RAP1A: variants seen among roughly 807,000 people sequenced by gnomAD.
RAP1A encodes the protein ras-related protein Rap-1A.
In RAP1A, 6 loss-of-function variants were observed where a neutral mutation model predicts 26.4. That is an observed-to-expected ratio of 0.23 (90% CI 0.12 to 0.45). The LOEUF is 0.45. Ranked by LOEUF, RAP1A falls within the 20% of genes least tolerant of loss-of-function variation. RAP1A has a pLI of 0.99. For missense variants in RAP1A, 121 were observed against 217.2 expected, an observed-to-expected ratio of 0.56 and a Z score of 2.78; for synonymous variants, 73 against 79.4, an observed-to-expected ratio of 0.92 and a Z score of 0.43.
chr1:111,616,544 C>T (rs573492316), upstream of RAP1A, among the ~76,000 whole-genome samples: 32 of 152,286 alleles, frequency 2.1e-4, no homozygotes, highest in Non-Finnish European at 3.8e-4. Context: ...TGATTACTTC[C>T]TCTCAAACTA....
chr1:111,568,738 A>G (rs1657978584), intron 1 of RAP1A, among the ~76,000 whole-genome samples: 1 of 152,134 alleles, frequency 6.6e-6, no homozygotes, highest in Admixed American at 6.5e-5. Flanking sequence ...TACACTGAGT[A>G]TGCCTGCCTC....
chr1:111,647,822 A>C (rs1571525617), intron 1 of RAP1A, among the ~76,000 whole-genome samples: 1 of 151,902 alleles, frequency 6.6e-6, no homozygotes, highest in East Asian at 1.9e-4. Flanking sequence ...GACATGAGCC[A>C]GTGTGCCTGG....
At chr1:111,617,843 A>C (rs189623736), upstream of RAP1A, among the ~76,000 whole-genome samples, 1 of 151,836 alleles carries the variant, frequency 6.6e-6, no homozygotes, top group East Asian at 2.0e-4. Flanking sequence ...TGGGAATTCG[A>C]GACCAGCCTG....
At chr1:111,651,473 A>AT (rs5777070) in intron 1 of RAP1A, among the ~76,000 whole-genome samples, 41,567 of 123,782 alleles carry the variant, frequency 0.34, 7,770 homozygotes, top group East Asian at 0.44. Flanking sequence ...TATATATATA[A>AT]TTTTTTTTTT....
At chr1:111,682,731 A>G (rs977414443) in intron 1 of RAP1A, among the ~76,000 whole-genome samples, 1 of 152,178 alleles carries the variant, frequency 6.6e-6, no homozygotes, top group Non-Finnish European at 1.5e-5. Flanking sequence ...TCATAGTGGG[A>G]GACTTTAACA....
At chr1:111,649,397 TC>T in intron 1 of RAP1A, 1 of 361,428 alleles carries the variant, frequency 2.8e-6, no homozygotes, top group South Asian at 2.5e-5. Flanking sequence ...CCCCAAGCTG[TC>T]CCAGAAGCTG....
rs138007711 is a variant in RAP1A, at chr1:111,686,390, G to A, written c.-27-4944G>A. ...GAGGCGTCTTGAGCCTTACTTAATG[G>A]CCTCTTTCATTATGTTGCGCAGGCT... On this transcript the variant is annotated intron_variant, in intron 1 of 7. Coordinates refer to ENST00000369709, the MANE Select transcript of RAP1A (RefSeq NM_002884.4). Among the ~76,000 whole-genome samples the A allele has an allele frequency of 2.2e-4, 33 of 152,104 alleles. No individual in the cohort carries two copies. In the East Asian group the frequency reaches 5.6e-3, roughly 26 times the overall value.
intron 1 of RAP1A, among the ~76,000 whole-genome samples, chr1:111,603,551 T>G (rs961156052): frequency 2.6e-5 from 4 of 152,206 alleles, no homozygotes; most frequent in Non-Finnish European, 5.9e-5. Flanking sequence ...GCTTGTAAAT[T>G]GAACTTTCAT....
chr1:111,676,039 G>A (rs1041887997), intron 1 of RAP1A, among the ~76,000 whole-genome samples: 59 of 152,304 alleles, frequency 3.9e-4, no homozygotes, highest in African/African-American at 1.4e-3. Flanking sequence ...ACCTAGCCCT[G>A]CCCTTGACAC....
intron 1 of RAP1A, among the ~76,000 whole-genome samples, chr1:111,557,756 T>G (rs1657560472): frequency 1.3e-5 from 2 of 152,034 alleles, no homozygotes; most frequent in South Asian, 4.1e-4. Context: ...CTAAAAACAA[T>G]TGATTATATA....
At chr1:111,635,190 A>G (rs773031603) in intron 1 of RAP1A, among the ~76,000 whole-genome samples, 1 of 152,224 alleles carries the variant, frequency 6.6e-6, no homozygotes, top group Non-Finnish European at 1.5e-5. Flanking sequence ...GAAATAGGAA[A>G]GATTTTGTAC....
chr1:111,665,542 T>G (rs907032246), intron 1 of RAP1A, among the ~76,000 whole-genome samples: 3 of 152,216 alleles, frequency 2.0e-5, no homozygotes, highest in African/African-American at 7.2e-5. Context: ...TTTTTGTTTG[T>G]CTGCAATGAT....
upstream of RAP1A, among the ~76,000 whole-genome samples, chr1:111,618,437 G>A (rs1659062045): frequency 2.0e-5 from 3 of 152,076 alleles, no homozygotes; most frequent in Admixed American, 1.3e-4. Flanking sequence ...GACTGGTAGC[G>A]CCTCCTTTTC....
chr1:111,699,425 A>G (rs1222965457), intron 4 of RAP1A, among the ~76,000 whole-genome samples: 2 of 146,060 alleles, frequency 1.4e-5, no homozygotes, highest in African/African-American at 5.1e-5. Flanking sequence ...CTTATCCTCC[A>G]TTACTCACTA....
At chr1:111,654,729 A>G (rs1660394300) in intron 1 of RAP1A, among the ~76,000 whole-genome samples, 3 of 151,600 alleles carry the variant, frequency 2.0e-5, no homozygotes, top group South Asian at 2.1e-4. Context: ...AGAGACTTCT[A>G]CCTGATAAGT....
intron 1 of RAP1A, among the ~76,000 whole-genome samples, chr1:111,674,127 T>C (rs1480651592): frequency 6.6e-6 from 1 of 152,198 alleles, no homozygotes; most frequent in African/African-American, 2.4e-5. Flanking sequence ...GGATTCTGTC[T>C]TGAAAGATAC....
In RAP1A at chr1:111,703,309, T is replaced by C. The variant is rs569151575; in HGVS notation, c.184-27T>C. 2.4e-5 allele frequency: 35 copies of C among 1,430,070 alleles called. No individual in the cohort carries two copies. In the East Asian group the frequency reaches 6.2e-4, roughly 25 times the overall value. The allele number at this position is 1,430,070 out of a possible 1,614,324, so 88.6% of individuals were successfully genotyped here. A position where few individuals can be genotyped will look rare whatever the true frequency, so the allele number is the denominator to read the frequency against. Reference sequence around the variant, plus strand: ...TATACATTCAAGAAATTTATATATTTATAATTGCATATTTTTTAAATCATA... The same window carrying C: ...TATACATTCAAGAAATTTATATATTCATAATTGCATATTTTTTAAATCATA... On this transcript the variant is annotated intron_variant, in intron 4 of 7. Coordinates refer to ENST00000369709, the MANE Select transcript of RAP1A (RefSeq NM_002884.4).
chr1:111,648,885 C>G (rs1285184913), intron 1 of RAP1A: 3 of 792,064 alleles, frequency 3.8e-6, no homozygotes, highest in Non-Finnish European at 6.6e-6. Context: ...CATGGTCAAC[C>G]CAGAGCTGGC....
At chr1:111,681,983 A>G (rs1661311101) in intron 1 of RAP1A, among the ~76,000 whole-genome samples, 1 of 152,230 alleles carries the variant, frequency 6.6e-6, no homozygotes, top group Admixed American at 6.5e-5. Context: ...GCCTATCAGA[A>G]TAACAGTGGA....
Sources: allele counts gnomAD v4.1 joint callset (sites outside exome capture counted in the v4.1 genomes callset), GRCh38; gene constraint gnomAD v4.1.1; transcripts MANE v1.5; gene names NCBI Gene and HGNC (gene_info 2026-07-23, HGNC 2026-07-21).